Variants in GBE1 observed in about 807,000 individuals in gnomAD.
GBE1 encodes the protein 1,4-alpha-glucan-branching enzyme.
In GBE1, 70 loss-of-function variants were observed where a neutral mutation model predicts 88.8. The observed-to-expected ratio is 0.79, with a 90% CI of 0.65 to 0.96. GBE1 has a LOEUF of 0.96. Ranked by LOEUF, GBE1 falls within the 40% of genes least tolerant of loss-of-function variation. The pLI is 0.00. For synonymous variants in GBE1, 284 were observed against 300.1 expected (o/e 0.95, Z 0.56); for missense variants, 872 against 871.0 (o/e 1.00, Z -0.01).
chr3:81,759,370 TA>T (rs1706646430), intron 1 of GBE1, among the ~76,000 whole-genome samples: 1 of 152,230 alleles, frequency 6.6e-6, no homozygotes, highest in Admixed American at 6.5e-5. Flanking sequence ...CTTCACTCCT[TA>T]GTAAGCATAC....
chr3:81,658,569 A>G (rs541987847), intron 3 of GBE1, among the ~76,000 whole-genome samples: 1 of 152,318 alleles, frequency 6.6e-6, no homozygotes, highest in South Asian at 2.1e-4. Flanking sequence ...TTCTGCACCT[A>G]TAAAAAGGAG....
intron 7 of GBE1, among the ~76,000 whole-genome samples, chr3:81,637,773 G>A (rs1019611351): frequency 2.0e-5 from 3 of 151,938 alleles, no homozygotes; most frequent in Non-Finnish European, 4.4e-5. Context: ...TCATATACTC[G>A]TTAGCTAGTA....
chr3:81,748,033 T>C (rs1706442072), intron 1 of GBE1, among the ~76,000 whole-genome samples: 1 of 152,026 alleles, frequency 6.6e-6, no homozygotes, highest in Admixed American at 6.6e-5. Flanking sequence ...AGCAGGAGAA[T>C]CATTTCAAAT....
chr3:81,694,618 ATGAG>A (rs972095903), intron 2 of GBE1, among the ~76,000 whole-genome samples: 2 of 152,172 alleles, frequency 1.3e-5, no homozygotes, highest in African/African-American at 4.8e-5. Flanking sequence ...GCAGAGAAGG[ATGAG>A]TGAAAGGATC....
intron 7 of GBE1, among the ~76,000 whole-genome samples, chr3:81,637,920 T>C (rs1209201295): frequency 1.3e-5 from 2 of 152,104 alleles, no homozygotes; most frequent in Non-Finnish European, 1.5e-5. Context: ...ACCTCAGGAA[T>C]GCAAGACTGG....
chr3:81,624,099 C>G (rs1378560749), intron 7 of GBE1, among the ~76,000 whole-genome samples: 2 of 152,062 alleles, frequency 1.3e-5, no homozygotes, highest in Admixed American at 1.3e-4. Flanking sequence ...CTGGGGAGGC[C>G]TCAGGAAACT....
Position 81,567,637 on chromosome 3 carries a change from G to A in GBE1, c.1618+10288C>T, listed in dbSNP as rs555951132. The stretch of plus-strand genomic sequence containing the variant: ...AGCCAAAAACCTGAAGTCATTCTTT[G>A]ATTCCTCTCTTTGTCTTATGGCCAA... On this transcript the variant is annotated intron_variant, in intron 12 of 15. Coordinates refer to ENST00000429644, the MANE Select transcript of GBE1 (RefSeq NM_000158.4). 2.0e-5 allele frequency among the ~76,000 whole-genome samples: 3 copies of A among 152,266 alleles called. No individual in the cohort carries two copies. In the South Asian group the frequency reaches 6.2e-4, roughly 32 times the overall value.
intron 14 of GBE1, among the ~76,000 whole-genome samples, chr3:81,503,314 AAT>A (rs994161637): frequency 6.6e-6 from 1 of 152,164 alleles, no homozygotes; most frequent in African/African-American, 2.4e-5. Context: ...AAGGAAGAAA[AAT>A]ATGAGGGACG....
At chr3:81,709,700 C>G (rs1189614133) in intron 1 of GBE1, among the ~76,000 whole-genome samples, 1 of 152,076 alleles carries the variant, frequency 6.6e-6, no homozygotes, top group Non-Finnish European at 1.5e-5. Context: ...CATGGAACCA[C>G]GATTATAGCA....
chr3:81,551,126 C>A (rs887482942), intron 12 of GBE1, among the ~76,000 whole-genome samples: 3 of 152,172 alleles, frequency 2.0e-5, no homozygotes, highest in African/African-American at 7.2e-5. Flanking sequence ...AGAATATATT[C>A]TAAGCCCCAT....
intron 12 of GBE1, among the ~76,000 whole-genome samples, chr3:81,561,995 T>C (rs1703425256): frequency 6.6e-6 from 1 of 152,088 alleles, no homozygotes; most frequent in Admixed American, 6.6e-5. Flanking sequence ...GTGATCTTTC[T>C]TGAAGTACTC....
intron 12 of GBE1, among the ~76,000 whole-genome samples, chr3:81,543,816 T>C (rs1201001025): frequency 1.3e-5 from 2 of 152,106 alleles, no homozygotes; most frequent in African/African-American, 4.8e-5. Flanking sequence ...ATAGATGACT[T>C]GACAGAATGC....
chr3:81,623,149 C>T (rs1056498932), intron 7 of GBE1, among the ~76,000 whole-genome samples: 9 of 152,140 alleles, frequency 5.9e-5, no homozygotes, highest in African/African-American at 1.9e-4. Flanking sequence ...TTACAAGGGC[C>T]TACAAGGTTT....
chr3:81,587,291 T>C (rs1015244011), intron 9 of GBE1, among the ~76,000 whole-genome samples: 2 of 152,190 alleles, frequency 1.3e-5, no homozygotes, highest in Admixed American at 6.5e-5. Context: ...TAGGAAAATA[T>C]GTGCTAAGTA....
intron 7 of GBE1, among the ~76,000 whole-genome samples, chr3:81,621,325 T>C (rs190294694): frequency 1.1e-4 from 16 of 152,290 alleles, no homozygotes; most frequent in Admixed American, 7.2e-4. Context: ...ACCTAGAAAA[T>C]TGTGAATCTT....
intron 14 of GBE1, among the ~76,000 whole-genome samples, chr3:81,508,120 C>T (rs745854975): frequency 4.6e-5 from 7 of 152,146 alleles, no homozygotes; most frequent in Non-Finnish European, 8.8e-5. Flanking sequence ...TGCTTAATGA[C>T]ACACATCAGT....
At chr3:81,599,520 G>C (rs924786196) in intron 7 of GBE1, among the ~76,000 whole-genome samples, 2 of 152,108 alleles carry the variant, frequency 1.3e-5, no homozygotes, top group African/African-American at 2.4e-5. Context: ...TTGCTCCTAG[G>C]CTACAAACCT....
At chr3:81,640,942 G>A (rs1704669412) in intron 7 of GBE1, among the ~76,000 whole-genome samples, 2 of 152,046 alleles carry the variant, frequency 1.3e-5, no homozygotes, top group Admixed American at 6.6e-5. Context: ...AAGAAGCCGA[G>A]TATTAAATAA....
chr3:81,634,829 T>A lies in GBE1; in HGVS notation c.992+7952A>T, dbSNP rs59795628. 5.4e-3 allele frequency among the ~76,000 whole-genome samples: 827 copies of A among 152,194 alleles called. 2 individuals are homozygous for A. Among genetic ancestry groups the A allele is most frequent in the African/African-American group, 0.019 (791 of 41,524 alleles). Reference sequence around the variant, plus strand: ...ATGGAGAAAAGTTAGTGAAGGAACATGTGGCAGGGAAGCATGGTAGGGACT... The same window carrying A: ...ATGGAGAAAAGTTAGTGAAGGAACAAGTGGCAGGGAAGCATGGTAGGGACT... On this transcript the variant is annotated intron_variant, in intron 7 of 15. Coordinates refer to ENST00000429644, the MANE Select transcript of GBE1 (RefSeq NM_000158.4).
Sources: gnomAD v4.1 joint callset for allele counts (sites outside exome capture counted in the v4.1 genomes callset) on GRCh38, gnomAD v4.1.1 for gene constraint, MANE v1.5 for transcripts, NCBI Gene and HGNC (gene_info 2026-07-23, HGNC 2026-07-21) for gene names.